Variants in NEK7 observed in about 807,000 individuals in gnomAD.
The protein encoded by NEK7 is NIMA related kinase 7.
A neutral mutation model predicts 44.6 loss-of-function variants in NEK7; 18 were observed. The ratio of observed to expected loss-of-function variants is 0.40; its 90% CI spans 0.28 to 0.60. The LOEUF (loss-of-function observed/expected upper bound fraction) is 0.60. Ranked by LOEUF, NEK7 falls within the 20% of genes least tolerant of loss-of-function variation. The pLI, the probability that NEK7 is intolerant of heterozygous loss-of-function variation, is 0.38. For missense variants in NEK7, 256 were observed against 366.5 expected, an observed-to-expected ratio of 0.70 and a Z score of 2.46; for synonymous variants, 130 against 121.1, an observed-to-expected ratio of 1.07 and a Z score of -0.48.
chr1:198,159,986 A>G (rs193216207), intron 1 of NEK7, among the ~76,000 whole-genome samples: 7 of 152,130 alleles, frequency 4.6e-5, no homozygotes, highest in Admixed American at 4.6e-4. Context: ...TTGGGCTCTG[A>G]CTTACTGTAA....
chr1:198,184,477 A>G (rs958406442), intron 1 of NEK7, among the ~76,000 whole-genome samples: 7 of 152,202 alleles, frequency 4.6e-5, no homozygotes, highest in Admixed American at 3.9e-4. Flanking sequence ...TTACATATTC[A>G]TATAACTTTC....
chr1:198,189,796 C>G (rs956816392), intron 1 of NEK7, among the ~76,000 whole-genome samples: 1 of 152,026 alleles, frequency 6.6e-6, no homozygotes, highest in Admixed American at 6.5e-5. Context: ...CTTTAAAAAC[C>G]TATAAATTGT....
chr1:198,240,657 G>T (rs926863203), intron 2 of NEK7, among the ~76,000 whole-genome samples: 5 of 150,058 alleles, frequency 3.3e-5, no homozygotes, highest in Admixed American at 3.3e-4. Flanking sequence ...TCTTTTTTTT[G>T]ACCAAAATGA....
chr1:198,157,131 G>T lies in NEK7; in HGVS notation c.-174G>T, dbSNP rs1217531238. The stretch of plus-strand genomic sequence containing the variant: ...CCGCGCCTGCAGCGTCCGCCGGGGC[G>T]GCGCGGCGGGAGGTGGCCGACAGGC... On this transcript the variant is annotated 5_prime_UTR_variant, in exon 1 of 10. Transcript: ENST00000367385. 2 of 151,866 alleles carry T rather than the reference G, an allele frequency of 1.3e-5. No homozygotes were observed. The highest frequency in any genetic ancestry group is 6.6e-5 in the Admixed American group (1 of 15,246). The allele number at this position is 151,866 out of a possible 1,614,324, so 9.4% of individuals were successfully genotyped here.
At chr1:198,238,791 C>T (rs1287638799) in intron 2 of NEK7, among the ~76,000 whole-genome samples, 1 of 152,224 alleles carries the variant, frequency 6.6e-6, no homozygotes, top group African/African-American at 2.4e-5. Flanking sequence ...ACAGAGAAAT[C>T]TCAAACATTC....
intron 1 of NEK7, among the ~76,000 whole-genome samples, chr1:198,186,806 T>G (rs1664939103): frequency 6.6e-6 from 1 of 152,210 alleles, no homozygotes; most frequent in South Asian, 2.1e-4. Flanking sequence ...AGTATTCACC[T>G]CAACCATGTA....
intron 1 of NEK7, among the ~76,000 whole-genome samples, chr1:198,197,279 G>A (rs139864914): frequency 6.6e-6 from 1 of 152,214 alleles, no homozygotes; most frequent in East Asian, 1.9e-4. Flanking sequence ...GTTTTTGACT[G>A]GTGTGGTCTT....
intron 1 of NEK7, among the ~76,000 whole-genome samples, chr1:198,205,542 C>T (rs193279251): frequency 5.9e-5 from 9 of 152,212 alleles, no homozygotes; most frequent in Non-Finnish European, 8.8e-5. Flanking sequence ...TCATAGTATG[C>T]ACTCAGGATT....
At chr1:198,301,467 G>A (rs1486793369) in intron 9 of NEK7, among the ~76,000 whole-genome samples, 3 of 152,174 alleles carry the variant, frequency 2.0e-5, no homozygotes, top group Admixed American at 2.0e-4. Context: ...GGAGAATGGC[G>A]TGAACCCAGG....
chr1:198,170,053 G>C (rs1254561945), intron 1 of NEK7, among the ~76,000 whole-genome samples: 1 of 152,064 alleles, frequency 6.6e-6, no homozygotes, highest in Non-Finnish European at 1.5e-5. Context: ...TGAATGCCAG[G>C]CACACGTCTC....
chr1:198,249,173 G>C (rs1666916904), intron 2 of NEK7, among the ~76,000 whole-genome samples: 1 of 151,570 alleles, frequency 6.6e-6, no homozygotes, highest in Non-Finnish European at 1.5e-5. Flanking sequence ...AGTTTACTGA[G>C]AATGATGATT....
chr1:198,310,848 G>C (rs1471485458), intron 9 of NEK7, among the ~76,000 whole-genome samples: 1 of 151,846 alleles, frequency 6.6e-6, no homozygotes, highest in Admixed American at 6.6e-5. Flanking sequence ...TAGCCTTGTA[G>C]TATAGTTTGA....
At chr1:198,281,040 G>A (rs1004296097) in intron 7 of NEK7, among the ~76,000 whole-genome samples, 1 of 151,684 alleles carries the variant, frequency 6.6e-6, no homozygotes, top group African/African-American at 2.4e-5. Context: ...TAAAACTAAA[G>A]TTCACTAAGC....
chr1:198,173,857 T>C (rs1664524608), intron 1 of NEK7, among the ~76,000 whole-genome samples: 1 of 152,224 alleles, frequency 6.6e-6, no homozygotes, highest in South Asian at 2.1e-4. Flanking sequence ...ATGTTATTCC[T>C]GCTTTTAATT....
At chr1:198,262,512 T>C in intron 3 of NEK7, 63 bp from the exon 4 acceptor site, 2 of 1,028,910 alleles carry the variant, frequency 1.9e-6, no homozygotes, top group Non-Finnish European at 2.9e-6. Context: ...TTAAAATGAA[T>C]TTACACAATA....
At chr1:198,242,030 A>G (rs1187568998) in intron 2 of NEK7, among the ~76,000 whole-genome samples, 1 of 152,104 alleles carries the variant, frequency 6.6e-6, no homozygotes. Context: ...TGGCAGCACT[A>G]TTCATCTGTG....
intron 2 of NEK7, among the ~76,000 whole-genome samples, chr1:198,236,485 C>T (rs899396760): frequency 1.3e-5 from 2 of 152,166 alleles, no homozygotes; most frequent in Admixed American, 1.3e-4. Context: ...ATCCTTAGCG[C>T]ATCCACTCCC....
intron 9 of NEK7, among the ~76,000 whole-genome samples, chr1:198,308,786 A>C (rs997869491): frequency 1.3e-5 from 2 of 152,178 alleles, no homozygotes; most frequent in Non-Finnish European, 2.9e-5. Flanking sequence ...TTTCACACAC[A>C]TCATACTTTC....
chr1:198,211,649 A>G (rs1289949388), intron 1 of NEK7, among the ~76,000 whole-genome samples: 3 of 152,248 alleles, frequency 2.0e-5, no homozygotes, highest in African/African-American at 7.2e-5. Context: ...CAGTGATTGA[A>G]GAATTTGAAA....
Sources: allele counts gnomAD v4.1 joint callset (sites outside exome capture counted in the v4.1 genomes callset), GRCh38; gene constraint gnomAD v4.1.1; transcripts MANE v1.5; gene names NCBI Gene and HGNC (gene_info 2026-07-23, HGNC 2026-07-21).